Variants in BMPR2 observed in about 807,000 individuals in gnomAD.
BMPR2 encodes bone morphogenetic protein receptor type 2.
Under a neutral mutation model 100.8 loss-of-function variants are expected in BMPR2, and 29 were observed. The ratio of observed to expected loss-of-function variants is 0.29; its 90% CI spans 0.21 to 0.39. The LOEUF is 0.39. Ranked by LOEUF, BMPR2 falls within the 10% of genes least tolerant of loss-of-function variation. BMPR2 has a pLI of 1.00. For synonymous variants in BMPR2, 382 were observed against 442.3 expected (o/e 0.86, Z 1.71); for missense variants, 1,011 against 1,274.5 (o/e 0.79, Z 3.15).
intron 3 of BMPR2, among the ~76,000 whole-genome samples, chr2:202,501,265 G>T (rs916207462): frequency 6.6e-6 from 1 of 152,184 alleles, no homozygotes; most frequent in East Asian, 1.9e-4. Flanking sequence ...TAAAACATTT[G>T]AGGGGGTTCC....
intron 10 of BMPR2, among the ~76,000 whole-genome samples, chr2:202,550,620 C>G (rs938429233): frequency 6.6e-6 from 1 of 151,872 alleles, no homozygotes. Flanking sequence ...TTTGGGAGAC[C>G]GAGGCAGAAG....
At chr2:202,435,524 GTAATC>G (rs1691599716) in intron 1 of BMPR2, among the ~76,000 whole-genome samples, 1 of 149,222 alleles carries the variant, frequency 6.7e-6, no homozygotes, top group African/African-American at 2.6e-5. Context: ...TAAAGTTAGA[GTAATC>G]TAAGGTTAAT....
rs1170738395 is a variant in BMPR2, at chr2:202,565,378, A to C, written c.*5432A>C. The C allele has an allele frequency of 6.6e-6, 1 of 152,190 alleles. No homozygotes were observed. Among genetic ancestry groups the C allele is most frequent in the African/African-American group, 2.4e-5 (1 of 41,432 alleles). The allele number at this position is 152,190 out of a possible 1,614,324, so 9.4% of individuals were successfully genotyped here. On this transcript the variant is annotated 3_prime_UTR_variant, in exon 13 of 13. Coordinates refer to ENST00000374580, the MANE Select transcript of BMPR2 (RefSeq NM_001204.7). ...AGAATTATATTTTCTTTTATATTCA[A>C]ATTCATTACTCCAGTTAAGTAATAG...
chr2:202,548,564 G>A (rs952995172), intron 10 of BMPR2, among the ~76,000 whole-genome samples: 1 of 152,086 alleles, frequency 6.6e-6, no homozygotes, highest in Non-Finnish European at 1.5e-5. Context: ...GAGCATTTCA[G>A]TTTTGGTTAG....
At chr2:202,536,693 T>G (rs1688165228) in intron 9 of BMPR2, among the ~76,000 whole-genome samples, 2 of 151,830 alleles carry the variant, frequency 1.3e-5, no homozygotes, top group African/African-American at 4.8e-5. Flanking sequence ...ACCAACATGG[T>G]GAAACCCTGT....
intron 1 of BMPR2, among the ~76,000 whole-genome samples, chr2:202,449,706 C>T (rs1374651815): frequency 6.6e-6 from 1 of 152,180 alleles, no homozygotes; most frequent in African/African-American, 2.4e-5. Flanking sequence ...TATGTAACTC[C>T]ACGGAACTGA....
chr2:202,529,792 A>AATAC (rs1350381667), intron 7 of BMPR2, among the ~76,000 whole-genome samples: 1 of 152,216 alleles, frequency 6.6e-6, no homozygotes, highest in Non-Finnish European at 1.5e-5. Context: ...TAATGAGCGT[A>AATAC]ATACATCTGA....
intron 1 of BMPR2, among the ~76,000 whole-genome samples, chr2:202,410,844 G>T (rs367875128): frequency 2.6e-5 from 4 of 152,166 alleles, no homozygotes; most frequent in Admixed American, 2.6e-4. Context: ...CTCCCAAAGT[G>T]CTAGGATTAC....
In BMPR2 at chr2:202,555,614, G is replaced by A; in HGVS notation, c.1949G>A (p.Gly650Glu). The A allele has an allele frequency of 6.2e-7, 1 of 1,613,968 alleles. No individual in the cohort carries two copies. The highest frequency in any genetic ancestry group is 8.5e-7 in the Non-Finnish European group (1 of 1,179,996). The change falls in exon 12 of 13, where the codon GGG (glycine) becomes GAG (glutamate). Residue 650 changes from glycine (G) to glutamate (E), a missense_variant. Physicochemically the swap from Gly to Glu is moderately conservative, Grantham distance 98 (BLOSUM62 -2). This residue lies in a region of BMPR2 where 508 missense variants were observed against 552.0 expected (regional missense o/e 0.92). Coordinates refer to ENST00000374580, the MANE Select transcript of BMPR2 (RefSeq NM_001204.7). ...LHTTNVAQSIGPTPVCLQLTE... is the reference protein window; with the variant it reads ...LHTTNVAQSIEPTPVCLQLTE... Reference sequence around the variant, plus strand: ...ACCACAAATGTTGCACAGTCAATTGGGCCAACCCCTGTCTGCTTACAGCTG... The same window carrying A: ...ACCACAAATGTTGCACAGTCAATTGAGCCAACCCCTGTCTGCTTACAGCTG...
intron 12 of BMPR2, among the ~76,000 whole-genome samples, chr2:202,557,512 CACAA>C (rs1290631405): frequency 7.4e-5 from 10 of 134,480 alleles, no homozygotes; most frequent in Admixed American, 1.5e-4. Flanking sequence ...CACACACACA[CACAA>C]ATTAGCTGGG....
chr2:202,424,084 A>AAC (rs1691330486), intron 1 of BMPR2, among the ~76,000 whole-genome samples: 1 of 144,398 alleles, frequency 6.9e-6, no homozygotes, highest in African/African-American at 2.6e-5. Flanking sequence ...AAAAAAAAAA[A>AAC]AAAAAAAGGC....
At chr2:202,461,349 T>G (rs1692221215) in intron 1 of BMPR2, among the ~76,000 whole-genome samples, 1 of 151,990 alleles carries the variant, frequency 6.6e-6, no homozygotes, top group African/African-American at 2.4e-5. Context: ...CCGGGCGTGG[T>G]GATGCATGCC....
chr2:202,428,267 C>T (rs899110088), intron 1 of BMPR2, among the ~76,000 whole-genome samples: 1 of 152,112 alleles, frequency 6.6e-6, no homozygotes, highest in East Asian at 1.9e-4. Flanking sequence ...TCTCTCTCTA[C>T]ACACTGCCAG....
At chr2:202,471,394 C>T (rs548220428) in intron 3 of BMPR2, among the ~76,000 whole-genome samples, 2 of 152,120 alleles carry the variant, frequency 1.3e-5, no homozygotes, top group African/African-American at 4.8e-5. Flanking sequence ...ATGCCTTCCA[C>T]ATATCTCAAG....
chr2:202,421,552 G>A (rs978654482), intron 1 of BMPR2, among the ~76,000 whole-genome samples: 2 of 146,478 alleles, frequency 1.4e-5, no homozygotes, highest in South Asian at 4.3e-4. Flanking sequence ...AAGGGCAGGA[G>A]AATGGCGTGA....
chr2:202,452,159 A>G (rs1559042864), intron 1 of BMPR2, among the ~76,000 whole-genome samples: 1 of 152,080 alleles, frequency 6.6e-6, no homozygotes. Context: ...GCCCCTTTGT[A>G]TTCTGTTTGC....
At chr2:202,457,077 C>T (rs1692124334) in intron 1 of BMPR2, among the ~76,000 whole-genome samples, 1 of 152,024 alleles carries the variant, frequency 6.6e-6, no homozygotes, top group Non-Finnish European at 1.5e-5. Flanking sequence ...AACCCATATA[C>T]TATTGTCTGC....
At chr2:202,516,571 G>A (rs535421171) in intron 5 of BMPR2, among the ~76,000 whole-genome samples, 30 of 152,078 alleles carry the variant, frequency 2.0e-4, no homozygotes, top group Middle Eastern at 3.4e-3. Flanking sequence ...CCAGCTACTC[G>A]GGAGGCTGAG....
intron 3 of BMPR2, among the ~76,000 whole-genome samples, chr2:202,468,593 T>C (rs548102013): frequency 1.3e-5 from 2 of 152,368 alleles, no homozygotes; most frequent in East Asian, 3.9e-4. Context: ...GGAAGATACA[T>C]CTTCAATAGT....
Sources: allele counts gnomAD v4.1 joint callset (sites outside exome capture counted in the v4.1 genomes callset), GRCh38; gene constraint gnomAD v4.1.1; regional missense constraint gnomAD v4.1.1; transcripts MANE v1.5; gene names NCBI Gene and HGNC (gene_info 2026-07-23, HGNC 2026-07-21).